The following CCDC171 variants were observed in gnomAD, a reference collection of about 807,000 sequenced individuals.
CCDC171 encodes the protein coiled-coil domain containing 171, also known as coiled-coil domain-containing protein 171.
A neutral mutation model predicts 168.2 loss-of-function variants in CCDC171; 177 were observed. The observed-to-expected ratio is 1.05, with a 90% CI of 0.93 to 1.19. The LOEUF is 1.19. Among genes scored for constraint, CCDC171 ranks in the 50% most tolerant of loss-of-function variants. The probability of loss-of-function intolerance (pLI) is 0.00; values close to 1 mark genes in which losing one functional copy is unlikely to be tolerated. For synonymous variants in CCDC171, 687 were observed against 540.8 expected (o/e 1.27, Z -3.75); for missense variants, 1,991 against 1,539.0 (o/e 1.29, Z -4.91).
At chr9:16,099,700 A>T in the CCDC171 span, among the ~76,000 whole-genome samples, 6 of 152,316 alleles carry the variant, frequency 3.9e-5, no homozygotes, top group African/African-American at 1.4e-4. Context: ...GGGTGACCAC[A>T]GTCTGCACTG....
intron 24 of CCDC171, among the ~76,000 whole-genome samples, chr9:15,897,291 C>T (rs4007981): frequency 1.6e-5 from 2 of 128,652 alleles, no homozygotes; most frequent in African/African-American, 5.8e-5. Context: ...TTCCTTTTTT[C>T]CAAGTCATCT....
intron 24 of CCDC171, among the ~76,000 whole-genome samples, chr9:15,902,115 A>C (rs1821753363): frequency 6.6e-6 from 1 of 152,142 alleles, no homozygotes; most frequent in African/African-American, 2.4e-5. Context: ...TTCAAGGTAA[A>C]GTGACATTTG....
At position 15,779,018 on chromosome 9, in the gene CCDC171, G is replaced by T; in HGVS notation, c.2949G>T (p.Leu983=). 1.3e-6 allele frequency: 2 copies of T among 1,589,260 alleles called. No individual in the cohort carries two copies. Among genetic ancestry groups the T allele is most frequent in the Non-Finnish European group, 1.7e-6 (2 of 1,169,692 alleles). Residue 983 remains leucine (L), a synonymous_variant, in exon 20 of 26, where the codon CTG becomes CTT. Coordinates refer to ENST00000380701, the MANE Select transcript of CCDC171 (RefSeq NM_173550.4). The part of the protein sequence containing the change: ...QKQILGFTQR[L]HAAEVERRSL... Reference sequence around the variant, plus strand: ...AAATACTTGGATTTACACAAAGACTGCATGCTGCAGAAGTGGAGCGCCGCT... The same window carrying T: ...AAATACTTGGATTTACACAAAGACTTCATGCTGCAGAAGTGGAGCGCCGCT...
intron 21 of CCDC171, among the ~76,000 whole-genome samples, chr9:15,823,137 A>G (rs577993504): frequency 4.9e-4 from 74 of 152,242 alleles, no homozygotes; most frequent in African/African-American, 1.7e-3. Context: ...TTGAACAATG[A>G]GAACACATAG....
At chr9:15,717,212 T>C (rs944153601) in intron 11 of CCDC171, among the ~76,000 whole-genome samples, 7 of 152,176 alleles carry the variant, frequency 4.6e-5, no homozygotes, top group East Asian at 1.9e-4. Flanking sequence ...GGACTTTGCA[T>C]TGAAGCTCAG....
chr9:15,773,559 T>C (rs1240663212), intron 18 of CCDC171, among the ~76,000 whole-genome samples: 1 of 152,232 alleles, frequency 6.6e-6, no homozygotes, highest in Non-Finnish European at 1.5e-5. Context: ...GATTAACAAA[T>C]GTATTTAACA....
chr9:15,993,994 G>A (rs1446875875), intron 3 of CCDC171, among the ~76,000 whole-genome samples: 1 of 152,232 alleles, frequency 6.6e-6, no homozygotes, highest in Non-Finnish European at 1.5e-5. Flanking sequence ...TGGTGGGACT[G>A]TAAACTAGTT....
intron 7 of CCDC171, among the ~76,000 whole-genome samples, chr9:15,640,459 C>T: frequency 6.6e-6 from 1 of 152,044 alleles, no homozygotes; most frequent in East Asian, 1.9e-4. Flanking sequence ...TCATACGAGG[C>T]CCCTTATGTA....
intron 23 of CCDC171, among the ~76,000 whole-genome samples, chr9:15,863,494 T>C (rs2061646634): frequency 6.6e-6 from 1 of 152,042 alleles, no homozygotes; most frequent in Non-Finnish European, 1.5e-5. Context: ...AATTCTTGGT[T>C]GACACATTTT....
intron 6 of CCDC171, among the ~76,000 whole-genome samples, chr9:16,029,427 A>G (rs1240988351): frequency 1.3e-5 from 2 of 152,172 alleles, no homozygotes; most frequent in East Asian, 3.9e-4. Context: ...AACTCTGATA[A>G]ATTGGTGATG....
rs1293652030 is a variant in CCDC171, at chr9:16,046,304, C to T, written n.89+3418C>T. Among the ~76,000 whole-genome samples, 5 of 151,996 alleles carry T rather than the reference C, an allele frequency of 3.3e-5. 1 individual carries two copies. The highest frequency in any genetic ancestry group is 1.2e-4 in the African/African-American group (5 of 41,362). On this transcript the variant is annotated intron_variant and non_coding_transcript_variant, in intron 1 of 1. Transcript: ENST00000478913. ...CTGAGGGTTTCAGAGGAGCAGGGTG[C>T]ATTAGAGTAGGCAGTGGCTGCCAGG...
At chr9:16,019,891 A>C (rs1228390399) in intron 3 of CCDC171, among the ~76,000 whole-genome samples, 1 of 152,220 alleles carries the variant, frequency 6.6e-6, no homozygotes, top group Non-Finnish European at 1.5e-5. Context: ...AGTTATCAAT[A>C]GGCTCTGGCA....
chr9:15,574,226 C>G (rs1392456432), intron 3 of CCDC171, among the ~76,000 whole-genome samples: 1 of 151,830 alleles, frequency 6.6e-6, no homozygotes, highest in African/African-American at 2.4e-5. Flanking sequence ...CTCACTGCAA[C>G]CTCTGCCTCC....
At chr9:15,637,451 A>T (rs2046284016) in intron 7 of CCDC171, among the ~76,000 whole-genome samples, 4 of 151,684 alleles carry the variant, frequency 2.6e-5, no homozygotes, top group African/African-American at 9.7e-5. Flanking sequence ...TTACTTTTTA[A>T]AATTTTTTTG....
In CCDC171 at chr9:15,623,471, G is replaced by GCGCGCGCGCGCA. The variant is rs1554714834; in HGVS notation, c.822+63_822+64insGCGCGCACGCGC. ...CGTACAAACTTTCACATATGCGCGCGCGCGCACACACACACACACACACAC... is the reference window on the plus strand; with the variant it reads ...CGTACAAACTTTCACATATGCGCGCGCGCGCGCGCGCACGCGCACACACACACACACACACAC... On this transcript the variant is annotated intron_variant, in intron 7 of 25. Coordinates refer to ENST00000380701, the MANE Select transcript of CCDC171 (RefSeq NM_173550.4). The GCGCGCGCGCGCA allele has an allele frequency of 4.4e-5, 22 of 505,238 alleles. 1 individual carries two copies. The highest frequency in any genetic ancestry group is 5.0e-4 in the Middle Eastern group (1 of 2,018). The allele number at this position is 505,238 out of a possible 1,614,324, so 31.3% of individuals were successfully genotyped here.
chr9:15,693,339 C>T (rs1429938920), intron 10 of CCDC171, among the ~76,000 whole-genome samples: 1 of 152,048 alleles, frequency 6.6e-6, no homozygotes, highest in African/African-American at 2.4e-5. Context: ...GAAGGGCATC[C>T]TCCTAAAGTC....
chr9:15,663,668 C>G (rs373954635), intron 8 of CCDC171, among the ~76,000 whole-genome samples: 5 of 148,596 alleles, frequency 3.4e-5, no homozygotes, highest in African/African-American at 5.0e-5. Flanking sequence ...TGCAGTGGCG[C>G]GATCTTGGCT....
chr9:15,618,830 G>T (rs2044291671), intron 6 of CCDC171, among the ~76,000 whole-genome samples: 1 of 151,764 alleles, frequency 6.6e-6, no homozygotes, highest in Non-Finnish European at 1.5e-5. Context: ...CTCTCCGTGG[G>T]TTGCACCCAG....
rs199759185 is a variant in CCDC171, at chr9:15,920,270, G to T, written c.3601G>T (p.Ala1201Ser). ...TGTGACATTATTTTTATTTCTTAAG[G>T]CTATGATTAAAAGTTTCATGGATGT... is the stretch of plus-strand genomic sequence containing the variant. ...KGGPEVVACQ[A>S]MIKSFMDVYQ... The change falls in exon 25 of 26, where the codon GCT (alanine) becomes TCT (serine). Residue 1201 changes from alanine to serine, a missense_variant and splice_region_variant. Ala to Ser is a moderately conservative substitution (Grantham distance 99). Coordinates refer to ENST00000380701, the MANE Select transcript of CCDC171 (RefSeq NM_173550.4). 1.2e-4 allele frequency: 189 copies of T among 1,563,618 alleles called. No individual in the cohort carries two copies. The Middle Eastern group carries it at 1.4e-3, about 11-fold the overall frequency.
Sources: allele counts gnomAD v4.1 joint callset (sites outside exome capture counted in the v4.1 genomes callset), GRCh38; gene constraint gnomAD v4.1.1; transcripts MANE v1.5; gene names NCBI Gene and HGNC (gene_info 2026-07-23, HGNC 2026-07-21).